The following KANK1 variants were observed in gnomAD, a reference collection of about 807,000 sequenced individuals.
The protein encoded by KANK1 is KN motif and ankyrin repeat domain-containing protein 1.
KANK1 carries 109 observed loss-of-function variants against 106.2 expected under a neutral mutation model. The ratio of observed to expected loss-of-function variants is 1.03; its 90% CI spans 0.88 to 1.20. The LOEUF (loss-of-function observed/expected upper bound fraction) is 1.20. Ranked by LOEUF, KANK1 falls within the 50% of genes most tolerant of loss-of-function variation. The pLI is 0.00. For synonymous variants in KANK1, 873 were observed against 652.2 expected (o/e 1.34, Z -5.16); for missense variants, 2,399 against 1,710.7 (o/e 1.40, Z -7.10).
chr9:696,111 C>T (rs954277269), intron 2 of KANK1, among the ~76,000 whole-genome samples: 4 of 152,174 alleles, frequency 2.6e-5, no homozygotes, highest in Admixed American at 1.3e-4. Context: ...GGTGAAACGC[C>T]GTCTCTACTA....
At chr9:561,707 T>TG (rs1407788333) in intron 1 of KANK1, among the ~76,000 whole-genome samples, 2 of 152,240 alleles carry the variant, frequency 1.3e-5, no homozygotes, top group African/African-American at 2.4e-5. Flanking sequence ...GGTTGAATGT[T>TG]GGACAGTGAT....
At chr9:662,328 T>C (rs1843517590) in intron 1 of KANK1, among the ~76,000 whole-genome samples, 1 of 152,130 alleles carries the variant, frequency 6.6e-6, no homozygotes, top group African/African-American at 2.4e-5. Context: ...AAAAACTACT[T>C]TAAAGTTCAT....
chr9:566,924 C>T (rs932323885), intron 1 of KANK1, among the ~76,000 whole-genome samples: 2 of 152,100 alleles, frequency 1.3e-5, no homozygotes, highest in African/African-American at 2.4e-5. Context: ...GAAATCTTTG[C>T]CCATTCCTAT....
At chr9:544,701 A>C (rs933009346) in intron 1 of KANK1, among the ~76,000 whole-genome samples, 1 of 151,766 alleles carries the variant, frequency 6.6e-6, no homozygotes, top group Non-Finnish European at 1.5e-5. Context: ...TTGAAGCTGA[A>C]ACCTGTTGGG....
intron 1 of KANK1, among the ~76,000 whole-genome samples, chr9:608,800 G>C (rs1021717152): frequency 6.6e-5 from 10 of 152,200 alleles, no homozygotes; most frequent in African/African-American, 2.4e-4. Context: ...CTCCACCCCA[G>C]TTGATGGTCC....
chr9:666,901 CTTTTTTTT>C (rs35149316), intron 1 of KANK1, among the ~76,000 whole-genome samples: 168 of 53,498 alleles, frequency 3.1e-3, no homozygotes, highest in Middle Eastern at 0.05. Flanking sequence ...CTATTGTTGT[CTTTTTTTT>C]TTTTTTTTTT....
chr9:673,953 G>A (rs1196410311), intron 1 of KANK1: 5 of 152,032 alleles, frequency 3.3e-5, no homozygotes, highest in Non-Finnish European at 7.4e-5. Context: ...CAGAAACTGG[G>A]CTTCTTTCCT....
At chr9:666,284 A>T (rs1844554785) in intron 1 of KANK1, among the ~76,000 whole-genome samples, 2 of 152,146 alleles carry the variant, frequency 1.3e-5, no homozygotes, top group Admixed American at 6.5e-5. Flanking sequence ...GGTATATATA[A>T]ATGCTACTGA....
chr9:538,177 G>T (rs1352489621), intron 1 of KANK1, among the ~76,000 whole-genome samples: 4 of 128,092 alleles, frequency 3.1e-5, no homozygotes, highest in Non-Finnish European at 4.7e-5. Context: ...TTTCTCGTCT[G>T]TAAAAAAAAA....
chr9:605,266 A>C (rs1421254709), intron 1 of KANK1, among the ~76,000 whole-genome samples: 1 of 144,190 alleles, frequency 6.9e-6, no homozygotes, highest in African/African-American at 2.6e-5. Flanking sequence ...GAACCACTGC[A>C]CTCCAGCCTG....
At chr9:532,312 G>A (rs1305596608) in intron 1 of KANK1, among the ~76,000 whole-genome samples, 1 of 144,938 alleles carries the variant, frequency 6.9e-6, no homozygotes, top group African/African-American at 2.6e-5. Context: ...CACCATCTCG[G>A]CTCACCGCAA....
chr9:639,982 A>G (rs1838024162), intron 1 of KANK1, among the ~76,000 whole-genome samples: 1 of 152,144 alleles, frequency 6.6e-6, no homozygotes, highest in Non-Finnish European at 1.5e-5. Flanking sequence ...CCCATCCTTA[A>G]TGCCATCCCG....
At chr9:740,584 C>T (rs915285272) in intron 8 of KANK1, among the ~76,000 whole-genome samples, 9 of 152,102 alleles carry the variant, frequency 5.9e-5, no homozygotes, top group African/African-American at 2.2e-4. Context: ...GTTTCTCTTG[C>T]TTCAGGTGTC....
At chr9:505,868 G>T (rs912197828) in intron 1 of KANK1, among the ~76,000 whole-genome samples, 1 of 152,322 alleles carries the variant, frequency 6.6e-6, no homozygotes, top group African/African-American at 2.4e-5. Flanking sequence ...GAATGGAAAT[G>T]AGGGTCTGTT....
chr9:646,119 T>G (rs1839617386), intron 1 of KANK1, among the ~76,000 whole-genome samples: 1 of 150,820 alleles, frequency 6.6e-6, no homozygotes, highest in Admixed American at 6.6e-5. Flanking sequence ...TTAGGATACC[T>G]ATTTTGACAG....
intron 1 of KANK1, among the ~76,000 whole-genome samples, chr9:507,759 T>C (rs765154373): frequency 4.6e-5 from 7 of 152,148 alleles, no homozygotes; most frequent in East Asian, 1.9e-4. Context: ...GGTTTCACTA[T>C]GTTGGCCAGG....
At chr9:728,108 C>T (rs1831224788) in intron 3 of KANK1, among the ~76,000 whole-genome samples, 1 of 152,184 alleles carries the variant, frequency 6.6e-6, no homozygotes, top group African/African-American at 2.4e-5. Context: ...TCTCCTATAG[C>T]ATCACATGAC....
intron 7 of KANK1, among the ~76,000 whole-genome samples, chr9:735,233 C>T (rs1053118171): frequency 6.6e-6 from 1 of 152,082 alleles, no homozygotes; most frequent in African/African-American, 2.4e-5. Context: ...TAAAAGAAAC[C>T]TATCTGAGCC....
chr9:500,777 A>G (rs571494491), upstream of KANK1, among the ~76,000 whole-genome samples: 1 of 152,244 alleles, frequency 6.6e-6, no homozygotes, highest in Admixed American at 6.5e-5. Flanking sequence ...AAGTTTTTCC[A>G]TACCCTGATT....
Sources: allele counts gnomAD v4.1 joint callset (sites outside exome capture counted in the v4.1 genomes callset), GRCh38; gene constraint gnomAD v4.1.1; transcripts MANE v1.5; gene names NCBI Gene and HGNC (gene_info 2026-07-23, HGNC 2026-07-21).